Variants in AGAP1 observed in about 807,000 individuals in gnomAD.
AGAP1 encodes ArfGAP with GTPase domain, ankyrin repeat and PH domain 1.
In AGAP1, 29 loss-of-function variants were observed where a neutral mutation model predicts 105.3. That is an observed-to-expected ratio of 0.28 (90% CI 0.21 to 0.38). The LOEUF is 0.38. AGAP1 is among the 10% of genes least tolerant of loss of function. The pLI is 1.00. For missense variants in AGAP1, 998 were observed against 1,165.1 expected (o/e 0.86, Z 2.09); for synonymous variants, 509 against 485.9 (o/e 1.05, Z -0.63).
chr2:235,574,266 A>G lies in AGAP1; in HGVS notation c.163+79417A>G, dbSNP rs1014291510. ...AAAAACGCCTCTGAGATCCACCCCC[A>G]CTCCTGCCATCAGGCATTAAAATCT... On this transcript the variant is annotated intron_variant, in intron 1 of 17. Coordinates refer to ENST00000304032, the MANE Select transcript of AGAP1 (RefSeq NM_001037131.3). This position sits in a 1 kb window ranked among gnomAD's most constrained non-coding sequence, Gnocchi z 5.0. Among the ~76,000 whole-genome samples the G allele has an allele frequency of 6.6e-6, 1 of 151,888 alleles. No individual in the cohort carries two copies. The highest frequency in any genetic ancestry group is 2.4e-5 in the African/African-American group (1 of 41,338).
chr2:235,586,190 T>C lies in AGAP1; in HGVS notation c.163+91341T>C, dbSNP rs1945104809. On this transcript the variant is annotated intron_variant, in intron 1 of 17. Transcript: ENST00000304032. The surrounding 1 kb of genome is among the most constrained non-coding windows in gnomAD (Gnocchi z 4.2). The stretch of plus-strand genomic sequence containing the variant: ...GTAAGTCAACACTACCTTGTGTGTG[T>C]GCGCATACACACAAAGAGGGTGAGC... 6.6e-6 allele frequency among the ~76,000 whole-genome samples: 1 copy of C among 152,158 alleles called. No individual in the cohort carries two copies. Among genetic ancestry groups the C allele is most frequent in the African/African-American group, 2.4e-5 (1 of 41,434 alleles).
rs999451478 is a variant in AGAP1 at position 235,951,848 on chromosome 2, G to C, written c.1484-16614G>C. Among the ~76,000 whole-genome samples, 3 of 152,088 alleles carry C rather than the reference G, an allele frequency of 2.0e-5. No homozygotes were observed. The highest frequency in any genetic ancestry group is 2.9e-5 in the Non-Finnish European group (2 of 68,020). On this transcript the variant is annotated intron_variant, in intron 12 of 17. Transcript: ENST00000304032. This position sits in a 1 kb window ranked among gnomAD's most constrained non-coding sequence, Gnocchi z 4.2. ...CAAACTTAGAGCTTCATAAATGCAG[G>C]AAACTGTCAGGTTCCTTTCAAGAGG...
At chr2:235,775,317 C>G (rs1439800829) in intron 6 of AGAP1, among the ~76,000 whole-genome samples, 3 of 152,146 alleles carry the variant, frequency 2.0e-5, no homozygotes, top group Non-Finnish European at 4.4e-5. Context: ...GTTTGGTGCC[C>G]TGATGACTGA....
chr2:235,750,452 A>C lies in AGAP1; in HGVS notation c.637A>C (p.Thr213Pro). ...KRCTYYETCA[T>P]YGLNVERVFQ... The stretch of plus-strand genomic sequence containing the variant: ...GTGCACGTACTACGAGACGTGTGCT[A>C]CATACGGGCTGAATGTGGAGAGGGT... The change falls in exon 6 of 18, where the codon ACA becomes CCA. Residue 213 changes from threonine (T) to proline (P), a missense_variant. Physicochemically the swap from Thr to Pro is conservative, Grantham distance 38. This residue lies in a region of AGAP1 where 735 missense variants were observed against 833.4 expected (regional missense o/e 0.88). Transcript: ENST00000304032. The surrounding 1 kb of genome is among the most constrained non-coding windows in gnomAD (Gnocchi z 5.3). 6.2e-7 allele frequency: 1 copy of C among 1,614,236 alleles called. No homozygotes were observed. The highest frequency in any genetic ancestry group is 1.7e-5 in the Admixed American group (1 of 60,036).
intron 9 of AGAP1, among the ~76,000 whole-genome samples, chr2:235,835,236 C>T (rs997477964): frequency 6.6e-5 from 10 of 152,320 alleles, no homozygotes; most frequent in Middle Eastern, 3.4e-3. Context: ...TTCAGTGGCT[C>T]CCCATGGCCT....
intron 1 of AGAP1, among the ~76,000 whole-genome samples, chr2:235,581,445 GTTC>G (rs1944929832): frequency 1.4e-5 from 2 of 138,732 alleles, no homozygotes; most frequent in Admixed American, 6.9e-5. Flanking sequence ...TGTTTATATT[GTTC>G]TTTTTTTTTT....
chr2:235,804,835 G>A (rs1957758235), intron 8 of AGAP1, among the ~76,000 whole-genome samples: 1 of 152,230 alleles, frequency 6.6e-6, no homozygotes, highest in African/African-American at 2.4e-5. Context: ...GTGTGCAGCA[G>A]GCTGTATGCA....
At chr2:235,710,960 G>A (rs183911786) in intron 2 of AGAP1, among the ~76,000 whole-genome samples, 4 of 152,264 alleles carry the variant, frequency 2.6e-5, no homozygotes, top group Non-Finnish European at 2.9e-5. Context: ...GGATAGGTAC[G>A]GTTATCCCCA....
intron 16 of AGAP1, among the ~76,000 whole-genome samples, chr2:236,093,090 C>G (rs2059105207): frequency 6.6e-6 from 1 of 152,202 alleles, no homozygotes; most frequent in Non-Finnish European, 1.5e-5. Flanking sequence ...ATAAAAAATG[C>G]CAACCAGTAA....
chr2:236,057,632 G>C (rs2058086108), intron 16 of AGAP1, among the ~76,000 whole-genome samples: 1 of 151,676 alleles, frequency 6.6e-6, no homozygotes, highest in African/African-American at 2.4e-5. Flanking sequence ...GGAATATAAA[G>C]CCTGTATTGC....
At chr2:235,746,377 C>CCTTTTTTTTTTTTT (rs1295250993) in intron 5 of AGAP1, among the ~76,000 whole-genome samples, 1 of 55,546 alleles carries the variant, frequency 1.8e-5, no homozygotes, top group African/African-American at 8.0e-5. Flanking sequence ...CCTCCCCCAA[C>CCTTTTTTTTTTTTT]TTTTTTTTTT....
Position 236,044,857 on chromosome 2 carries a change from CTT to C in AGAP1, c.1891+4019_1891+4020del, listed in dbSNP as rs2057669336. The stretch of plus-strand genomic sequence containing the variant: ...GGTGTATCCTAGAATTTTCTTAGCT[CTT>C]TTCTGGTTTGGGCGGGGGCAGGGGC... On this transcript the variant is annotated intron_variant, in intron 15 of 17. Coordinates refer to ENST00000304032, the MANE Select transcript of AGAP1 (RefSeq NM_001037131.3). The surrounding 1 kb of genome is among the most constrained non-coding windows in gnomAD (Gnocchi z 5.7). 6.6e-6 allele frequency among the ~76,000 whole-genome samples: 1 copy of C among 151,878 alleles called. No individual in the cohort carries two copies. Among genetic ancestry groups the C allele is most frequent in the Non-Finnish European group, 1.5e-5 (1 of 67,992 alleles).
rs1240556348 is a variant in AGAP1 at position 235,751,060 on chromosome 2, A to C, written c.673+572A>C. Among the ~76,000 whole-genome samples, 1 of 152,170 alleles carries C rather than the reference A, an allele frequency of 6.6e-6. No homozygotes were observed. The highest frequency in any genetic ancestry group is 1.9e-4 in the East Asian group (1 of 5,194). On this transcript the variant is annotated intron_variant, in intron 6 of 17. Coordinates refer to ENST00000304032, the MANE Select transcript of AGAP1 (RefSeq NM_001037131.3). The surrounding 1 kb of genome is among the most constrained non-coding windows in gnomAD (Gnocchi z 5.3). ...TGATCACCTACCTTCAGGAACAGCCACAAATCAGACAGAAAATTCTCCTAG... is the reference window on the plus strand; with the variant it reads ...TGATCACCTACCTTCAGGAACAGCCCCAAATCAGACAGAAAATTCTCCTAG...
At chr2:235,679,570 A>T (rs1948950332) in intron 1 of AGAP1, among the ~76,000 whole-genome samples, 1 of 151,660 alleles carries the variant, frequency 6.6e-6, no homozygotes, top group South Asian at 2.1e-4. Context: ...TCCCCTTCCC[A>T]CTCCTCTTAT....
intron 1 of AGAP1, among the ~76,000 whole-genome samples, chr2:235,531,374 A>G (rs991510132): frequency 1.4e-4 from 21 of 151,526 alleles, no homozygotes; most frequent in African/African-American, 3.9e-4. Flanking sequence ...CTCCCCCTCA[A>G]CTGTAGTGTT....
chr2:235,516,752 A>G (rs569219247), intron 1 of AGAP1, among the ~76,000 whole-genome samples: 1 of 152,316 alleles, frequency 6.6e-6, no homozygotes, highest in Non-Finnish European at 1.5e-5. Flanking sequence ...GCTCCCCGGC[A>G]GGCTTCAGAA....
Position 235,528,172 on chromosome 2 carries a change from A to G in AGAP1, c.163+33323A>G, listed in dbSNP as rs561976046. On this transcript the variant is annotated intron_variant, in intron 1 of 17. Transcript: ENST00000304032. ...GCATTAACTCCAGAAAGTTTTACCA[A>G]TTTACCCTCTAAGGAGAATAGACCT... 2.6e-5 allele frequency among the ~76,000 whole-genome samples: 4 copies of G among 152,200 alleles called. No homozygotes were observed. The East Asian group carries it at 5.8e-4, about 22-fold the overall frequency.
At chr2:235,860,211 GAAAT>G (rs1249985868) in intron 9 of AGAP1, among the ~76,000 whole-genome samples, 1 of 152,198 alleles carries the variant, frequency 6.6e-6, no homozygotes, top group Non-Finnish European at 1.5e-5. Context: ...CATACACTGA[GAAAT>G]AAAAAATATA....
intron 8 of AGAP1, among the ~76,000 whole-genome samples, chr2:235,803,016 A>ATGG (rs745665196): frequency 2.9e-3 from 5 of 1,754 alleles, no homozygotes; most frequent in Non-Finnish European, 4.3e-3. Context: ...TGTGGTTGTG[A>ATGG]TGGTGGTGAT....
Sources: gnomAD v4.1 joint callset for allele counts (sites outside exome capture counted in the v4.1 genomes callset) on GRCh38, gnomAD v4.1.1 for gene constraint, gnomAD v4.1.1 regional missense constraint, Gnocchi (gnomAD v3.1) non-coding constraint, MANE v1.5 for transcripts, NCBI Gene and HGNC (gene_info 2026-07-23, HGNC 2026-07-21) for gene names.